KCNK13: variants seen among roughly 807,000 people sequenced by gnomAD.
The protein encoded by KCNK13 is potassium channel subfamily K member 13.
Under a neutral mutation model 23.4 loss-of-function variants are expected in KCNK13, and 12 were observed. The observed-to-expected ratio is 0.51, with a 90% CI of 0.33 to 0.83. KCNK13 has a LOEUF of 0.83. Among genes scored for constraint, KCNK13 ranks in the 40% least tolerant of loss-of-function variants. The probability of loss-of-function intolerance (pLI) is 0.02; values close to 1 mark genes in which losing one functional copy is unlikely to be tolerated. For synonymous variants in KCNK13, 231 were observed against 229.5 expected, an observed-to-expected ratio of 1.01 and a Z score of -0.06; for missense variants, 463 against 556.3, an observed-to-expected ratio of 0.83 and a Z score of 1.69.
At chr14:90,106,411 C>A (rs1889544205) in intron 1 of KCNK13, among the ~76,000 whole-genome samples, 1 of 151,638 alleles carries the variant, frequency 6.6e-6, no homozygotes, top group African/African-American at 2.4e-5. Context: ...CCTGTCTCTA[C>A]TAAAAATACA....
chr14:90,132,791 A>G (rs779017825), intron 1 of KCNK13, among the ~76,000 whole-genome samples: 1 of 152,178 alleles, frequency 6.6e-6, no homozygotes, highest in Non-Finnish European at 1.5e-5. Flanking sequence ...AACAAAAAGA[A>G]TAGTAACTAT....
chr14:90,078,948 A>G (rs1437566566), intron 1 of KCNK13, among the ~76,000 whole-genome samples: 1 of 152,234 alleles, frequency 6.6e-6, no homozygotes, highest in Admixed American at 6.5e-5. Flanking sequence ...GTTTGCCTTC[A>G]GTGTTACAAA....
At chr14:90,097,452 T>C (rs930866216) in intron 1 of KCNK13, among the ~76,000 whole-genome samples, 2 of 152,108 alleles carry the variant, frequency 1.3e-5, no homozygotes, top group Non-Finnish European at 1.5e-5. Context: ...GCCACAAGAA[T>C]GACATCAAGC....
chr14:90,151,982 T>C (rs1399720511), intron 1 of KCNK13, among the ~76,000 whole-genome samples: 1 of 152,220 alleles, frequency 6.6e-6, no homozygotes, highest in East Asian at 1.9e-4. Flanking sequence ...TTGGCCTATA[T>C]ATCTGTTTTT....
At chr14:90,075,290 T>G (rs1414034638) in intron 1 of KCNK13, among the ~76,000 whole-genome samples, 1 of 152,210 alleles carries the variant, frequency 6.6e-6, no homozygotes, top group African/African-American at 2.4e-5. Context: ...CTCGGTTTAT[T>G]GGTGATACAG....
chr14:90,111,395 A>G (rs1889613929), intron 1 of KCNK13, among the ~76,000 whole-genome samples: 1 of 152,142 alleles, frequency 6.6e-6, no homozygotes, highest in South Asian at 2.1e-4. Context: ...ATACACAGAG[A>G]AGAGGACCTC....
intron 1 of KCNK13, among the ~76,000 whole-genome samples, chr14:90,170,187 A>G (rs1890348630): frequency 6.6e-6 from 1 of 152,142 alleles, no homozygotes; most frequent in Non-Finnish European, 1.5e-5. Flanking sequence ...TGTCAATCAA[A>G]AAAAAAAATT....
chr14:90,071,725 T>C (rs914355486), intron 1 of KCNK13, among the ~76,000 whole-genome samples: 6 of 152,090 alleles, frequency 3.9e-5, no homozygotes, highest in East Asian at 1.9e-4. Flanking sequence ...GGTGAAACCC[T>C]GTCTCTACTA....
chr14:90,162,657 T>G (rs1324275403), intron 1 of KCNK13, among the ~76,000 whole-genome samples: 3 of 152,200 alleles, frequency 2.0e-5, no homozygotes, highest in Non-Finnish European at 4.4e-5. Flanking sequence ...GAATTAAATA[T>G]TACATTGTTT....
At chr14:90,107,033 G>A (rs941409208) in intron 1 of KCNK13, among the ~76,000 whole-genome samples, 2 of 151,918 alleles carry the variant, frequency 1.3e-5, no homozygotes, top group Non-Finnish European at 2.9e-5. Context: ...AAAAAAGAAA[G>A]TACATAAATA....
intron 1 of KCNK13, among the ~76,000 whole-genome samples, chr14:90,159,878 G>T (rs773677661): frequency 1.3e-5 from 2 of 152,040 alleles, no homozygotes; most frequent in Non-Finnish European, 2.9e-5. Flanking sequence ...AGTAGTGACA[G>T]GGCTGAGATC....
chr14:90,073,340 G>T (rs370850862), intron 1 of KCNK13, among the ~76,000 whole-genome samples: 1 of 152,138 alleles, frequency 6.6e-6, no homozygotes, highest in Non-Finnish European at 1.5e-5. Context: ...GCCTCCCACC[G>T]GCAGTCCTCT....
intron 1 of KCNK13, among the ~76,000 whole-genome samples, chr14:90,174,686 T>A (rs189499529): frequency 6.4e-4 from 97 of 152,138 alleles, no homozygotes; most frequent in Middle Eastern, 3.4e-3. Flanking sequence ...AGACTTCATC[T>A]CTACAAAAAA....
intron 1 of KCNK13, among the ~76,000 whole-genome samples, chr14:90,154,227 G>A (rs1478284504): frequency 6.6e-6 from 1 of 151,450 alleles, no homozygotes; most frequent in African/African-American, 2.4e-5. Context: ...CCACAATGCT[G>A]TGCTCTCCTA....
chr14:90,085,741 A>G (rs1051478749), intron 1 of KCNK13, among the ~76,000 whole-genome samples: 3 of 134,916 alleles, frequency 2.2e-5, no homozygotes, highest in African/African-American at 8.3e-5. Flanking sequence ...ATATATACTT[A>G]TATAATTATA....
At chr14:90,098,509 C>G (rs948938541) in intron 1 of KCNK13, among the ~76,000 whole-genome samples, 1 of 150,440 alleles carries the variant, frequency 6.6e-6, no homozygotes, top group African/African-American at 2.4e-5. Flanking sequence ...CTTTGGGAGG[C>G]CGAGGTGGGC....
At position 90,132,879 on chromosome 14, in the gene KCNK13, T is replaced by C. The variant is rs187109364; in HGVS notation, c.335-51232T>C. On this transcript the variant is annotated intron_variant, in intron 1 of 1. Transcript: ENST00000282146. Reference sequence around the variant, plus strand: ...CTCATAACACCCTGAGAGACACTATTTCCATGATCCTCATTTCCTGCCACT... The same window carrying C: ...CTCATAACACCCTGAGAGACACTATCTCCATGATCCTCATTTCCTGCCACT... 1.0e-3 allele frequency among the ~76,000 whole-genome samples: 159 copies of C among 152,324 alleles called. 1 individual carries two copies. Among genetic ancestry groups the C allele is most frequent in the Non-Finnish European group, 1.8e-3 (123 of 68,020 alleles).
chr14:90,119,040 A>G (rs116520496), intron 1 of KCNK13, among the ~76,000 whole-genome samples: 187 of 152,326 alleles, frequency 1.2e-3, no homozygotes, highest in African/African-American at 4.4e-3. Flanking sequence ...TAGGAAACCT[A>G]AAGAAGATGG....
At chr14:90,084,216 C>A (rs1199369616) in intron 1 of KCNK13, among the ~76,000 whole-genome samples, 1 of 152,130 alleles carries the variant, frequency 6.6e-6, no homozygotes, top group Non-Finnish European at 1.5e-5. Context: ...AGAAGACTTA[C>A]ATTGAATTAA....
Sources: allele counts gnomAD v4.1 joint callset (sites outside exome capture counted in the v4.1 genomes callset), GRCh38; gene constraint gnomAD v4.1.1; transcripts MANE v1.5; gene names NCBI Gene and HGNC (gene_info 2026-07-23, HGNC 2026-07-21).